Variants in FBXO11 observed in about 807,000 individuals in gnomAD.
FBXO11 encodes F-box protein 11, also known as F-box only protein 11.
In FBXO11, 13 loss-of-function variants were observed where a neutral mutation model predicts 117.0. That is an observed-to-expected ratio of 0.11 (90% CI 0.07 to 0.18). FBXO11 has a LOEUF of 0.18. Among genes scored for constraint, FBXO11 ranks in the 10% least tolerant of loss-of-function variants. The probability of loss-of-function intolerance (pLI) is 1.00; values close to 1 mark genes in which losing one functional copy is unlikely to be tolerated. For missense variants in FBXO11, 767 were observed against 1,164.4 expected, an observed-to-expected ratio of 0.66 and a Z score of 4.97; for synonymous variants, 490 against 380.5, an observed-to-expected ratio of 1.29 and a Z score of -3.35.
At chr2:47,851,462 C>G (rs2103650958) in intron 1 of FBXO11, among the ~76,000 whole-genome samples, 1 of 152,228 alleles carries the variant, frequency 6.6e-6, no homozygotes, top group Admixed American at 6.5e-5. Flanking sequence ...TTCCTGACCT[C>G]ATGCTCCACC....
intron 2 of FBXO11, 63 bp from the exon 3 acceptor site, chr2:47,839,563 A>G (rs1018885427): frequency 4.4e-6 from 7 of 1,602,830 alleles, no homozygotes; most frequent in Non-Finnish European, 6.0e-6. Flanking sequence ...CATTACTTCT[A>G]AAAAAGGATG....
chr2:47,901,074 CACACGTGTGTACATATATATACATAT>C (rs1369183867), intron 1 of FBXO11, among the ~76,000 whole-genome samples: 1 of 129,554 alleles, frequency 7.7e-6, no homozygotes, highest in East Asian at 3.4e-4. Flanking sequence ...TATATATATA[CACACGTGTGTACATATATATACATAT>C]ATATGTATAT....
chr2:47,838,947 T>G lies in FBXO11; in HGVS notation c.499A>C (p.Ile167Leu). ...EKLPDEVVLK[I>L]FSYLLEQDLC... is the part of the protein sequence containing the mutation. ...TCCTGTTCCAGCAAGTAAGAGAAGA[T>G]TTTTAGAACCACTTCATCTGGCAGT... The change falls in exon 4 of 23, where the codon ATC becomes CTC. Residue 167 changes from isoleucine (I) to leucine (L), a missense_variant. By Grantham distance (5) the Ile-to-Leu change is conservative. Around this residue, in one of 10 missense-constraint regions of FBXO11, gnomAD observed 355 missense variants for 299.8 expected, o/e 1.18. Transcript: ENST00000403359. 1 of 1,614,052 alleles carries G rather than the reference T, an allele frequency of 6.2e-7. No individual in the cohort carries two copies. Among genetic ancestry groups the G allele is most frequent in the African/African-American group, 1.3e-5 (1 of 75,058 alleles).
intron 3 of FBXO11, 50 bp downstream of exon 3, chr2:47,839,369 A>C (rs760333578): frequency 3.3e-6 from 5 of 1,536,304 alleles, no homozygotes; most frequent in Non-Finnish European, 4.4e-6. Flanking sequence ...TATCAAGCAA[A>C]ATTAAAAAAA....
chr2:47,818,601 T>G lies in FBXO11; in HGVS notation c.2006+178A>C, dbSNP rs371136821. The G allele has an allele frequency of 4.7e-4, 270 of 570,830 alleles. 8 individuals carry two copies. In the South Asian group the frequency reaches 7.7e-3, roughly 16 times the overall value. The allele number at this position is 570,830 out of a possible 1,614,324, so 35.4% of individuals were successfully genotyped here. Reference sequence around the variant, plus strand: ...GCACATGTGCCAGTGGCTTCTGTCCTCACCTAGACCAAGGAAAGCTACATT... The same window carrying G: ...GCACATGTGCCAGTGGCTTCTGTCCGCACCTAGACCAAGGAAAGCTACATT... On this transcript the variant is annotated intron_variant, in intron 16 of 22. Transcript: ENST00000403359.
intron 17 of FBXO11, 65 bp downstream of exon 17, chr2:47,813,726 C>A: frequency 1.5e-6 from 2 of 1,378,382 alleles, no homozygotes; most frequent in Non-Finnish European, 1.0e-6. Context: ...AGCCACCGTG[C>A]CCGGCCTAGA....
At chr2:47,840,260 A>T (rs565274868) in intron 1 of FBXO11, among the ~76,000 whole-genome samples, 2 of 151,782 alleles carry the variant, frequency 1.3e-5, no homozygotes, top group South Asian at 2.1e-4. Context: ...ACTTTTTTTT[A>T]AAAAAAGGTG....
intron 11 of FBXO11, among the ~76,000 whole-genome samples, chr2:47,825,658 C>T (rs1323315275): frequency 6.7e-6 from 1 of 149,644 alleles, no homozygotes; most frequent in African/African-American, 2.5e-5. Flanking sequence ...CTCACTGAAG[C>T]CTCAATCTCC....
chr2:47,841,688 T>C (rs1283049824), intron 1 of FBXO11, among the ~76,000 whole-genome samples: 11 of 152,212 alleles, frequency 7.2e-5, no homozygotes, highest in Admixed American at 7.2e-4. Context: ...GTCGCCAGGC[T>C]GGAGTGCAGT....
intron 5 of FBXO11, among the ~76,000 whole-genome samples, chr2:47,835,191 C>T (rs988214160): frequency 6.6e-6 from 1 of 152,170 alleles, no homozygotes; most frequent in Non-Finnish European, 1.5e-5. Context: ...CAGCAGCACA[C>T]TCTCCTCCCA....
intron 1 of FBXO11, among the ~76,000 whole-genome samples, chr2:47,875,301 G>A (rs1332091373): frequency 1.3e-5 from 2 of 152,044 alleles, no homozygotes; most frequent in African/African-American, 2.4e-5. Context: ...GTGGCAAGTG[G>A]CTACCATATT....
intron 12 of FBXO11, among the ~76,000 whole-genome samples, 189 bp downstream of exon 12, chr2:47,822,950 AAAAT>A (rs1397659071): frequency 3.3e-5 from 5 of 152,256 alleles, no homozygotes; most frequent in Non-Finnish European, 7.3e-5. Context: ...AATAAAAAGA[AAAAT>A]AAAAACACCA....
At chr2:47,873,853 T>C (rs906319816) in intron 1 of FBXO11, among the ~76,000 whole-genome samples, 8 of 152,232 alleles carry the variant, frequency 5.3e-5, no homozygotes, top group African/African-American at 1.9e-4. Flanking sequence ...TTCATCCCTT[T>C]ACATTTAATC....
chr2:47,853,484 T>A (rs1426660235), intron 1 of FBXO11, among the ~76,000 whole-genome samples: 1 of 152,172 alleles, frequency 6.6e-6, no homozygotes, highest in Non-Finnish European at 1.5e-5. Context: ...GCTCCTCAGA[T>A]GTTTTAGTAT....
chr2:47,834,947 G>T lies in FBXO11; in HGVS notation c.718-76C>A. ...TATTTAAATTAATGTACAATTGCAT[G>T]AACAACTTTTATTACAAATCAAAAA... On this transcript the variant is annotated intron_variant, in intron 5 of 22. Transcript: ENST00000403359. The T allele has an allele frequency of 4.0e-6, 4 of 993,564 alleles. No individual in the cohort carries two copies. In the South Asian group the frequency reaches 4.6e-5, roughly 11 times the overall value. 61.5% of individuals were successfully genotyped at this position (993,564 alleles called of 1,614,324 possible).
chr2:47,807,691 G>A lies in FBXO11; in HGVS notation c.*427C>T, dbSNP rs546136967. The A allele has an allele frequency of 4.1e-4, 94 of 229,696 alleles. 1 individual carries two copies. The highest frequency in any genetic ancestry group is 6.6e-4 in the Non-Finnish European group (76 of 115,526). The allele number at this position is 229,696 out of a possible 1,614,324, so 14.2% of individuals were successfully genotyped here. A position where few individuals can be genotyped will look rare whatever the true frequency, so the allele number is the denominator to read the frequency against. On this transcript the variant is annotated 3_prime_UTR_variant, in exon 23 of 23. Transcript: ENST00000403359. ...TTAAAAAAAAAAAATCAAAAGGAAC[G>A]CAGAAGTGCTAGCTCACATTTTTAC...
Position 47,809,615 on chromosome 2 carries a change from T to C in FBXO11, c.2431A>G (p.Asn811Asp), listed in dbSNP as rs1407638177. The change falls in exon 20 of 23, where the codon AAT becomes GAT. Residue 811 changes from asparagine to aspartate, a missense_variant. Transcript: ENST00000403359. ...FGGLFLASGV[N>D]VTMKDNKIMN... Reference sequence around the variant, plus strand: ...TCCAACATACCTTTCATTGTCACATTAACACCAGATGCTAAAAATAAGCCT... The same window carrying C: ...TCCAACATACCTTTCATTGTCACATCAACACCAGATGCTAAAAATAAGCCT... 6.2e-7 allele frequency: 1 copy of C among 1,612,284 alleles called. No homozygotes were observed. The highest frequency in any genetic ancestry group is 8.5e-7 in the Non-Finnish European group (1 of 1,178,742).
chr2:47,868,162 G>A (rs563596543), intron 1 of FBXO11, among the ~76,000 whole-genome samples: 16 of 151,780 alleles, frequency 1.1e-4, no homozygotes, highest in African/African-American at 3.6e-4. Context: ...AAGCAGCTGG[G>A]ATTCCAGCTA....
chr2:47,849,657 T>C (rs1279738852), intron 1 of FBXO11, among the ~76,000 whole-genome samples: 1 of 152,186 alleles, frequency 6.6e-6, no homozygotes, highest in Non-Finnish European at 1.5e-5. Flanking sequence ...TGAGGGAATA[T>C]TTAAGAACAT....
Sources: allele counts gnomAD v4.1 joint callset (sites outside exome capture counted in the v4.1 genomes callset), GRCh38; gene constraint gnomAD v4.1.1; regional missense constraint gnomAD v4.1.1; transcripts MANE v1.5; gene names NCBI Gene and HGNC (gene_info 2026-07-23, HGNC 2026-07-21).